Variants in MGMT observed in about 807,000 individuals in gnomAD.
MGMT encodes methylated-DNA--protein-cysteine methyltransferase.
MGMT carries 14 observed loss-of-function variants against 15.9 expected under a neutral mutation model. The ratio of observed to expected loss-of-function variants is 0.88; its 90% CI spans 0.58 to 1.37. The LOEUF (loss-of-function observed/expected upper bound fraction) is 1.37, where lower values mean the gene tolerates loss of function less well. MGMT is among the 40% of genes most tolerant of loss of function. The probability of loss-of-function intolerance (pLI) is 0.00; values close to 1 mark genes in which losing one functional copy is unlikely to be tolerated. For missense variants in MGMT, 282 were observed against 268.1 expected (o/e 1.05, Z -0.36); for synonymous variants, 130 against 118.2 (o/e 1.10, Z -0.65).
intron 2 of MGMT, among the ~76,000 whole-genome samples, chr10:129,597,322 C>T (rs1437048356): frequency 6.6e-6 from 1 of 152,164 alleles, no homozygotes; most frequent in African/African-American, 2.4e-5. Flanking sequence ...GAAAACTCGG[C>T]ATCAGTTGAG....
chr10:129,520,736 C>G (rs1845797111), intron 1 of MGMT, among the ~76,000 whole-genome samples: 1 of 151,298 alleles, frequency 6.6e-6, no homozygotes, highest in Non-Finnish European at 1.5e-5. Context: ...GGTGCGGGTA[C>G]AGAACCCCTA....
At chr10:129,515,892 A>G (rs1419892183) in intron 1 of MGMT, among the ~76,000 whole-genome samples, 1 of 152,232 alleles carries the variant, frequency 6.6e-6, no homozygotes, top group Non-Finnish European at 1.5e-5. Flanking sequence ...AAGGGAAAAG[A>G]GCAAAACAGT....
intron 1 of MGMT, among the ~76,000 whole-genome samples, chr10:129,500,348 G>A (rs1295757154): frequency 6.6e-6 from 1 of 152,162 alleles, no homozygotes; most frequent in East Asian, 1.9e-4. Context: ...TGCTTCAGCC[G>A]ACAGGAGGGT....
At chr10:129,482,195 AT>A (rs1845366075) in intron 1 of MGMT, among the ~76,000 whole-genome samples, 1 of 152,144 alleles carries the variant, frequency 6.6e-6, no homozygotes, top group African/African-American at 2.4e-5. Context: ...ATTTCCAAGA[AT>A]TTGGGGATTT....
intron 2 of MGMT, among the ~76,000 whole-genome samples, chr10:129,599,892 A>G (rs775185739): frequency 6.6e-6 from 1 of 152,222 alleles, no homozygotes; most frequent in Non-Finnish European, 1.5e-5. Flanking sequence ...ATCAAGTGTC[A>G]TATTAACTGT....
At chr10:129,519,389 G>C (rs1305782759) in intron 1 of MGMT, among the ~76,000 whole-genome samples, 1 of 152,192 alleles carries the variant, frequency 6.6e-6, no homozygotes, top group Non-Finnish European at 1.5e-5. Flanking sequence ...CCACTGATAG[G>C]TTTTGGGTAT....
intron 1 of MGMT, among the ~76,000 whole-genome samples, chr10:129,469,595 G>T (rs1845207723): frequency 6.6e-6 from 1 of 152,088 alleles, no homozygotes; most frequent in Non-Finnish European, 1.5e-5. Flanking sequence ...AGGGCCCTGT[G>T]CTCATTCGGC....
At chr10:129,666,697 G>A (rs1363048204) in intron 2 of MGMT, among the ~76,000 whole-genome samples, 2 of 152,062 alleles carry the variant, frequency 1.3e-5, no homozygotes, top group Non-Finnish European at 2.9e-5. Flanking sequence ...TGATAATTTT[G>A]TTTATTCCTT....
intron 1 of MGMT, among the ~76,000 whole-genome samples, chr10:129,534,326 G>A (rs1845963107): frequency 6.6e-6 from 1 of 152,094 alleles, no homozygotes; most frequent in Non-Finnish European, 1.5e-5. Context: ...TTGAAGGAGT[G>A]TGATGTGGGC....
chr10:129,580,617 T>G (rs568454015), intron 2 of MGMT, among the ~76,000 whole-genome samples: 1 of 152,312 alleles, frequency 6.6e-6, no homozygotes, highest in African/African-American at 2.4e-5. Context: ...TTGCTGAGAC[T>G]GTGAGCCTGG....
intron 2 of MGMT, among the ~76,000 whole-genome samples, chr10:129,670,854 A>G (rs1255838790): frequency 6.6e-6 from 1 of 152,228 alleles, no homozygotes; most frequent in Non-Finnish European, 1.5e-5. Flanking sequence ...TACTCATTGA[A>G]CTGTATGTAT....
chr10:129,527,663 C>T lies in MGMT; in HGVS notation c.-12-8578C>T, dbSNP rs78407306. 3.4e-3 allele frequency among the ~76,000 whole-genome samples: 516 copies of T among 152,224 alleles called. 1 individual carries two copies. The highest frequency in any genetic ancestry group is 0.011 in the African/African-American group (474 of 41,526). ...GCCTGGAGAGAGCTTGCACACACAT[C>T]GTCACCCTGTCTCTGGTGGTTGTGG... is the stretch of plus-strand genomic sequence containing the variant. On this transcript the variant is annotated intron_variant, in intron 1 of 4. Coordinates refer to ENST00000651593, the MANE Select transcript of MGMT (RefSeq NM_002412.5).
At chr10:129,559,989 G>C (rs34624890) in intron 2 of MGMT, among the ~76,000 whole-genome samples, 3 of 152,176 alleles carry the variant, frequency 2.0e-5, no homozygotes, top group Non-Finnish European at 4.4e-5. Context: ...TTAGCCATCA[G>C]TCCCATCGTA....
chr10:129,694,673 A>G (rs912656015), intron 2 of MGMT, among the ~76,000 whole-genome samples: 1 of 152,106 alleles, frequency 6.6e-6, no homozygotes, highest in African/African-American at 2.4e-5. Flanking sequence ...CTGCTTTGGA[A>G]CATAATTGGA....
chr10:129,590,698 T>C (rs1846673501), intron 2 of MGMT, among the ~76,000 whole-genome samples: 2 of 152,234 alleles, frequency 1.3e-5, no homozygotes, highest in Admixed American at 1.3e-4. Context: ...GATATCAGCA[T>C]TTAAGATCCA....
rs964154378 is a variant in MGMT, at chr10:129,532,297, C to T, written c.-12-3944C>T. ...GGGTCCTTGGGCATTTCCTGGGTGG[C>T]GGTGCTCTCTGGGGTGCAGAGTTGG... On this transcript the variant is annotated intron_variant, in intron 1 of 4. Coordinates refer to ENST00000651593, the MANE Select transcript of MGMT (RefSeq NM_002412.5). The surrounding 1 kb of genome is among the most constrained non-coding windows in gnomAD (Gnocchi z 5.3). Among the ~76,000 whole-genome samples, 2 of 152,186 alleles carry T rather than the reference C, an allele frequency of 1.3e-5. No individual in the cohort carries two copies. Among genetic ancestry groups the T allele is most frequent in the Admixed American group, 6.5e-5 (1 of 15,294 alleles).
Position 129,759,481 on chromosome 10 carries a change from A to T in MGMT, c.414+140A>T, listed in dbSNP as rs1848846846. The T allele has an allele frequency of 5.5e-6, 7 of 1,284,358 alleles. No homozygotes were observed. The Admixed American group carries it at 1.2e-4, about 23-fold the overall frequency. The allele number at this position is 1,284,358 out of a possible 1,614,324, so 79.6% of individuals were successfully genotyped here. A position where few individuals can be genotyped will look rare whatever the true frequency, so the allele number is the denominator to read the frequency against. Reference sequence around the variant, plus strand: ...AGGGGCGATATCTGTGATGGGGACCATTATGCCAGATGCCTCCAGAAGAGG... The same window carrying T: ...AGGGGCGATATCTGTGATGGGGACCTTTATGCCAGATGCCTCCAGAAGAGG... On this transcript the variant is annotated intron_variant, in intron 4 of 4. Coordinates refer to ENST00000651593, the MANE Select transcript of MGMT (RefSeq NM_002412.5).
At chr10:129,489,715 T>G (rs1179053045) in intron 1 of MGMT, among the ~76,000 whole-genome samples, 1 of 152,202 alleles carries the variant, frequency 6.6e-6, no homozygotes, top group East Asian at 1.9e-4. Context: ...CCTTATTTTT[T>G]GTTGTTGCCA....
At chr10:129,645,718 T>C (rs191263539) in intron 2 of MGMT, among the ~76,000 whole-genome samples, 3 of 152,342 alleles carry the variant, frequency 2.0e-5, no homozygotes, top group Admixed American at 6.5e-5. Context: ...CTGCCACTTC[T>C]TGTGGACACG....
Sources: gnomAD v4.1 joint callset for allele counts (sites outside exome capture counted in the v4.1 genomes callset) on GRCh38, gnomAD v4.1.1 for gene constraint, Gnocchi (gnomAD v3.1) non-coding constraint, MANE v1.5 for transcripts, NCBI Gene and HGNC (gene_info 2026-07-23, HGNC 2026-07-21) for gene names.